Variants in PGBD5 observed in about 807,000 individuals in gnomAD.
PGBD5 encodes piggyBac transposable element derived 5, also known as piggyBac transposable element-derived protein 5.
Under a neutral mutation model 47.9 loss-of-function variants are expected in PGBD5, and 14 were observed. That is an observed-to-expected ratio of 0.29 (90% CI 0.19 to 0.46). The LOEUF is 0.46. PGBD5 is among the 20% of genes least tolerant of loss of function. PGBD5 has a pLI of 1.00. For missense variants in PGBD5, 635 were observed against 716.0 expected, an observed-to-expected ratio of 0.89 and a Z score of 1.29; for synonymous variants, 316 against 306.3, an observed-to-expected ratio of 1.03 and a Z score of -0.33.
chr1:230,363,120 G>A (rs139559612), intron 1 of PGBD5, among the ~76,000 whole-genome samples: 97 of 152,270 alleles, frequency 6.4e-4, no homozygotes, highest in African/African-American at 2.2e-3. Context: ...ACCCCACAGC[G>A]GGTAAGAAGA....
chr1:230,400,255 G>A (rs187338998), intron 1 of PGBD5, among the ~76,000 whole-genome samples: 2 of 152,230 alleles, frequency 1.3e-5, no homozygotes, highest in East Asian at 1.9e-4. Context: ...CTCCTTCACC[G>A]CCTGGGAGCT....
At chr1:230,400,102 G>A (rs991375851) in intron 1 of PGBD5, among the ~76,000 whole-genome samples, 2 of 152,236 alleles carry the variant, frequency 1.3e-5, no homozygotes, top group East Asian at 1.9e-4. Context: ...TCTGTGCCCC[G>A]CCTCCACCCT....
At chr1:230,376,573 G>A (rs187669926) in intron 1 of PGBD5, among the ~76,000 whole-genome samples, 1 of 152,040 alleles carries the variant, frequency 6.6e-6, no homozygotes, top group Admixed American at 6.5e-5. Context: ...GATGGTTCCT[G>A]CCCTCTGCAG....
chr1:230,327,326 T>C (rs1441983711), intron 5 of PGBD5, among the ~76,000 whole-genome samples: 2 of 152,134 alleles, frequency 1.3e-5, no homozygotes, highest in African/African-American at 4.8e-5. Flanking sequence ...AGGAGCTTCA[T>C]CTGGGGCCAG....
At chr1:230,422,133 CCT>C (rs148641792) in intron 1 of PGBD5, among the ~76,000 whole-genome samples, 3 of 150,242 alleles carry the variant, frequency 2.0e-5, no homozygotes, top group Admixed American at 6.6e-5. Flanking sequence ...TATATTTTTC[CCT>C]CTCTCTCTCT....
chr1:230,350,114 G>A (rs1472647065), intron 3 of PGBD5, among the ~76,000 whole-genome samples: 2 of 152,268 alleles, frequency 1.3e-5, no homozygotes, highest in Non-Finnish European at 2.9e-5. Flanking sequence ...GGGGCCTGGA[G>A]ATGCGGTCAA....
At chr1:230,338,398 G>A (rs1667359455) in intron 3 of PGBD5, among the ~76,000 whole-genome samples, 1 of 152,208 alleles carries the variant, frequency 6.6e-6, no homozygotes, top group Non-Finnish European at 1.5e-5. Context: ...TTTCCTTACG[G>A]CTGCAGGACT....
At chr1:230,415,211 G>A (rs1657488310) in intron 1 of PGBD5, among the ~76,000 whole-genome samples, 1 of 151,944 alleles carries the variant, frequency 6.6e-6, no homozygotes, top group African/African-American at 2.4e-5. Context: ...GGAGTTCAAG[G>A]CTGCAGTGAG....
At chr1:230,392,313 T>A (rs1656805382) in intron 1 of PGBD5, among the ~76,000 whole-genome samples, 2 of 152,070 alleles carry the variant, frequency 1.3e-5, no homozygotes. Flanking sequence ...AGGATGCCTG[T>A]GCCCCACGTA....
At chr1:230,392,401 G>A (rs562121532) in intron 1 of PGBD5, among the ~76,000 whole-genome samples, 150 of 152,338 alleles carry the variant, frequency 9.8e-4, no homozygotes, top group Non-Finnish European at 1.7e-3. Flanking sequence ...CCCGGCTGAT[G>A]AGCCCCAGGC....
At chr1:230,376,129 G>T (rs1668010544) in intron 1 of PGBD5, among the ~76,000 whole-genome samples, 1 of 152,058 alleles carries the variant, frequency 6.6e-6, no homozygotes, top group Non-Finnish European at 1.5e-5. Context: ...GGGTGTCCAA[G>T]GTGGGATGCG....
intron 4 of PGBD5, among the ~76,000 whole-genome samples, chr1:230,333,757 G>C (rs570169797): frequency 3.9e-5 from 6 of 152,324 alleles, no homozygotes; most frequent in African/African-American, 1.2e-4. Context: ...TCCTGAGGGA[G>C]AAGGAGCTTG....
At chr1:230,396,942 T>C (rs563490012) in intron 1 of PGBD5, among the ~76,000 whole-genome samples, 1 of 152,362 alleles carries the variant, frequency 6.6e-6, no homozygotes, top group South Asian at 2.1e-4. Context: ...AGAGCACTCC[T>C]GGAAATGTCC....
In PGBD5 at chr1:230,393,323, T is replaced by C. The variant is rs538009651; in HGVS notation, c.331+32275A>G. Among the ~76,000 whole-genome samples, 285 of 149,766 alleles carry C rather than the reference T, an allele frequency of 1.9e-3. 4 individuals carry two copies. Among genetic ancestry groups the C allele is most frequent in the African/African-American group, 6.4e-3 (260 of 40,578 alleles). On this transcript the variant is annotated intron_variant, in intron 1 of 6. Coordinates refer to ENST00000391860, the MANE Select transcript of PGBD5 (RefSeq NM_001258311.2). ...AAAGGGGAGGGGGAGGGGCGTGCTGTGCTCAGGGCCAGTGCAGCCACTGAA... is the reference window on the plus strand; with the variant it reads ...AAAGGGGAGGGGGAGGGGCGTGCTGCGCTCAGGGCCAGTGCAGCCACTGAA...
chr1:230,329,757 A>G (rs192649436), intron 5 of PGBD5, among the ~76,000 whole-genome samples: 1 of 152,382 alleles, frequency 6.6e-6, no homozygotes, highest in Non-Finnish European at 1.5e-5. Flanking sequence ...CTGCTGGGTC[A>G]ACCCAGCCTG....
chr1:230,348,051 A>C (rs920697643), intron 3 of PGBD5, among the ~76,000 whole-genome samples: 1 of 152,182 alleles, frequency 6.6e-6, no homozygotes, highest in Non-Finnish European at 1.5e-5. Flanking sequence ...CGTGGGGCAG[A>C]TGCTACGCTA....
chr1:230,419,695 G>A (rs1443727269), intron 1 of PGBD5, among the ~76,000 whole-genome samples: 1 of 152,120 alleles, frequency 6.6e-6, no homozygotes, highest in East Asian at 1.9e-4. Flanking sequence ...GGGTACTGCT[G>A]GCAAAGGCAT....
In PGBD5 at chr1:230,356,924, G is replaced by A. The variant is rs772495531; in HGVS notation, c.729C>T (p.Phe243=). The A allele has an allele frequency of 1.9e-5, 30 of 1,613,956 alleles. No homozygotes were observed. The highest frequency in any genetic ancestry group is 2.5e-5 in the Non-Finnish European group (30 of 1,179,968). ...QPFLDSLQNS[F]DSAFRPSQTQ... is the part of the protein sequence containing the mutation. Reference sequence around the variant, plus strand: ...TTTGGGAAGGCCTGAAGGCAGAGTCGAAGCTGTTCTGCAGGGAGTCGAGGA... The same window carrying A: ...TTTGGGAAGGCCTGAAGGCAGAGTCAAAGCTGTTCTGCAGGGAGTCGAGGA... Residue 243 remains phenylalanine (F), a synonymous_variant, in exon 2 of 7, where the codon TTC becomes TTT. Coordinates refer to ENST00000391860, the MANE Select transcript of PGBD5 (RefSeq NM_001258311.2).
rs1667247791 is a variant in PGBD5 at position 230,333,049 on chromosome 1, G to T, written c.1076-8C>A. The T allele has an allele frequency of 1.9e-6, 3 of 1,583,566 alleles. No homozygotes were observed. The highest frequency in any genetic ancestry group is 2.7e-5 in the African/African-American group (2 of 74,718). On this transcript the variant is annotated splice_polypyrimidine_tract_variant and splice_region_variant and intron_variant, in intron 4 of 6. Transcript: ENST00000391860. Reference sequence around the variant, plus strand: ...AGCCGCAGCAGTAAATCCCTGAGGGGAGAGGGAGGAAGGATCGCACACTCA... The same window carrying T: ...AGCCGCAGCAGTAAATCCCTGAGGGTAGAGGGAGGAAGGATCGCACACTCA...
Sources: gnomAD v4.1 joint callset for allele counts (sites outside exome capture counted in the v4.1 genomes callset) on GRCh38, gnomAD v4.1.1 for gene constraint, MANE v1.5 for transcripts, NCBI Gene and HGNC (gene_info 2026-07-23, HGNC 2026-07-21) for gene names.